The following PCSK1 variants were observed in gnomAD, a reference collection of about 807,000 sequenced individuals.
PCSK1 encodes neuroendocrine convertase 1.
In PCSK1, 56 loss-of-function variants were observed where a neutral mutation model predicts 90.6. That is an observed-to-expected ratio of 0.62 (90% CI 0.50 to 0.77). The LOEUF (loss-of-function observed/expected upper bound fraction) is 0.77, where lower values mean the gene tolerates loss of function less well. Among genes scored for constraint, PCSK1 ranks in the 30% least tolerant of loss-of-function variants. The probability of loss-of-function intolerance (pLI) is 0.00; values close to 1 mark genes in which losing one functional copy is unlikely to be tolerated. For synonymous variants in PCSK1, 348 were observed against 342.4 expected (o/e 1.02, Z -0.18); for missense variants, 801 against 932.6 (o/e 0.86, Z 1.84).
rs768134283 is a variant in PCSK1 at position 96,394,922 on chromosome 5, G to T, written c.1826C>A (p.Ser609Tyr). Residue 609 changes from serine to tyrosine, a missense_variant, in exon 13 of 14, where the codon TCC becomes TAC. Physicochemically the swap from Ser to Tyr is moderately radical, Grantham distance 144 (BLOSUM62 -2). Coordinates refer to ENST00000311106, the MANE Select transcript of PCSK1 (RefSeq NM_000439.5). Reference protein sequence around the residue: ...EHMKQPRVYTSYNTVQNDRRG... With the variant: ...EHMKQPRVYTYYNTVQNDRRG... ...TCTGTCATTCTGAACAGTGTTGTAG[G>T]ACGTGTACACACGAGGCTGCTTCAT... The T allele has an allele frequency of 1.2e-6, 2 of 1,614,124 alleles. No individual in the cohort carries two copies. The highest frequency in any genetic ancestry group is 1.7e-6 in the Non-Finnish European group (2 of 1,179,974).
intron 3 of PCSK1, among the ~76,000 whole-genome samples, chr5:96,424,731 G>T (rs1465705841): frequency 3.3e-5 from 5 of 152,168 alleles, no homozygotes; most frequent in African/African-American, 1.2e-4. Flanking sequence ...GGGAGGCCAA[G>T]GCGGGTGGAT....
chr5:96,395,579 G>C (rs1760109058), intron 12 of PCSK1, among the ~76,000 whole-genome samples: 1 of 152,146 alleles, frequency 6.6e-6, no homozygotes, highest in Non-Finnish European at 1.5e-5. Flanking sequence ...ACTCATAAGT[G>C]GGAGTTGAAC....
At chr5:96,399,884 G>T in intron 10 of PCSK1, 69 bp downstream of exon 10, 1 of 1,248,576 alleles carries the variant, frequency 8.0e-7, no homozygotes, top group Non-Finnish European at 1.2e-6. Context: ...AAATCAGGCA[G>T]AATGGCAAAC....
chr5:96,413,066 C>T (rs769232765), intron 6 of PCSK1: 1 of 525,572 alleles, frequency 1.9e-6, no homozygotes, highest in Non-Finnish European at 2.4e-6. Flanking sequence ...CAACAGGAAA[C>T]TAACAAATAG....
At chr5:96,395,629 AT>A (rs543106105) in intron 12 of PCSK1, among the ~76,000 whole-genome samples, 2,562 of 152,156 alleles carry the variant, frequency 0.017, 80 homozygotes, top group African/African-American at 0.058. Context: ...ACATCACACA[AT>A]GGGCCTGTCA....
At chr5:96,406,564 G>A (rs1760571857) in intron 9 of PCSK1, among the ~76,000 whole-genome samples, 1 of 152,130 alleles carries the variant, frequency 6.6e-6, no homozygotes, top group Non-Finnish European at 1.5e-5. Context: ...TCACAGCCGA[G>A]ATACCCAGGA....
intron 11 of PCSK1, 37 bp from the exon 12 acceptor site, chr5:96,397,506 GCT>G: frequency 6.4e-7 from 1 of 1,556,074 alleles, no homozygotes; most frequent in Non-Finnish European, 8.9e-7. Flanking sequence ...TGTCCTAATA[GCT>G]CTGATAGTAG....
intron 5 of PCSK1, among the ~76,000 whole-genome samples, chr5:96,418,591 A>G (rs987062481): frequency 3.9e-5 from 6 of 152,210 alleles, no homozygotes; most frequent in African/African-American, 1.2e-4. Context: ...ATAAAGAACA[A>G]CAGCAATACT....
rs748938566 is a variant in PCSK1, at chr5:96,410,820, G to A, written c.1049C>T (p.Thr350Ile). The A allele has an allele frequency of 1.9e-6, 3 of 1,614,030 alleles. No individual in the cohort carries two copies. In the African/African-American group the frequency reaches 4.0e-5, roughly 22 times the overall value. ...TCCGCTGCTGTAAGAGGTGGCCAGTGTGGAGGAGCACTTCTCAGCGTACCA... is the reference window on the plus strand; with the variant it reads ...TCCGCTGCTGTAAGAGGTGGCCAGTATGGAGGAGCACTTCTCAGCGTACCA... ...SPWYAEKCSS[T>I]LATSYSSGDY... Residue 350 changes from threonine (T) to isoleucine (I), a missense_variant, in exon 8 of 14, where the codon ACA becomes ATA. Coordinates refer to ENST00000311106, the MANE Select transcript of PCSK1 (RefSeq NM_000439.5).
Position 96,393,234 on chromosome 5 carries a change from T to C in PCSK1, c.2029A>G (p.Lys677Glu). ...GGTGATTGCTTTGGCGGTGAGTTTT[T>C]ACTGAAAGCACTTTGCAGGAGTCGC... ...MLRLLQSAFS[K>E]NSPPKQSPKK... Residue 677 changes from lysine to glutamate, a missense_variant, in exon 14 of 14, where the codon AAA (lysine) becomes GAA (glutamate). Physicochemically the swap from Lys to Glu is moderately conservative, Grantham distance 56. Coordinates refer to ENST00000311106, the MANE Select transcript of PCSK1 (RefSeq NM_000439.5). 1 of 1,614,040 alleles carries C rather than the reference T, an allele frequency of 6.2e-7. No homozygotes were observed. The highest frequency in any genetic ancestry group is 8.5e-7 in the Non-Finnish European group (1 of 1,179,974).
At chr5:96,411,992 G>GTTGCAGAA (rs947726895) in intron 7 of PCSK1, among the ~76,000 whole-genome samples, 1 of 152,100 alleles carries the variant, frequency 6.6e-6, no homozygotes, top group Non-Finnish European at 1.5e-5. Flanking sequence ...TCTAAACTAG[G>GTTGCAGAA]TTGCAGAACA....
At chr5:96,401,261 A>G (rs1019430830) in intron 9 of PCSK1, among the ~76,000 whole-genome samples, 1 of 152,146 alleles carries the variant, frequency 6.6e-6, no homozygotes, top group African/African-American at 2.4e-5. Flanking sequence ...GGGGAGAAAT[A>G]TTTGAGCTGG....
intron 4 of PCSK1, 136 bp downstream of exon 4, chr5:96,423,177 A>C (rs1002574622): frequency 8.9e-6 from 7 of 789,750 alleles, no homozygotes; most frequent in Admixed American, 4.0e-5. Flanking sequence ...GGGAAGTGGG[A>C]GAAGGGACAT....
chr5:96,399,922 A>G (rs1459110917), intron 10 of PCSK1, 31 bp downstream of exon 10: 1 of 1,497,714 alleles, frequency 6.7e-7, no homozygotes, highest in Non-Finnish European at 9.3e-7. Context: ...CCATGGGCAC[A>G]CATGTGTTTA....
At chr5:96,425,691 C>T in intron 3 of PCSK1, 129 bp downstream of exon 3, 1 of 681,526 alleles carries the variant, frequency 1.5e-6, no homozygotes. Flanking sequence ...CAGCCCTAAT[C>T]TCCAGACAAT....
intron 3 of PCSK1, among the ~76,000 whole-genome samples, chr5:96,425,100 C>T (rs113356465): frequency 8.6e-4 from 130 of 150,944 alleles, no homozygotes; most frequent in African/African-American, 3.0e-3. Flanking sequence ...GAAACTGATC[C>T]CCTTTTCTAA....
intron 3 of PCSK1, among the ~76,000 whole-genome samples, chr5:96,424,246 T>A (rs1761214734): frequency 6.6e-6 from 1 of 152,184 alleles, no homozygotes; most frequent in Non-Finnish European, 1.5e-5. Flanking sequence ...CCCTCTTGCT[T>A]TTGTGCCCTC....
At chr5:96,430,525 T>C (rs1464209819) in intron 1 of PCSK1, among the ~76,000 whole-genome samples, 1 of 152,192 alleles carries the variant, frequency 6.6e-6, no homozygotes, top group Non-Finnish European at 1.5e-5. Context: ...TTAGCTCTGT[T>C]TTCTCTGCTG....
At chr5:96,402,139 G>C (rs985902673) in intron 9 of PCSK1, among the ~76,000 whole-genome samples, 1 of 152,310 alleles carries the variant, frequency 6.6e-6, no homozygotes, top group African/African-American at 2.4e-5. Flanking sequence ...TACTGGCTCA[G>C]TAATCCCCTG....
Sources: gnomAD v4.1 joint callset for allele counts (sites outside exome capture counted in the v4.1 genomes callset) on GRCh38, gnomAD v4.1.1 for gene constraint, MANE v1.5 for transcripts, NCBI Gene and HGNC (gene_info 2026-07-23, HGNC 2026-07-21) for gene names.